SSH1: variants seen among roughly 807,000 people sequenced by gnomAD.
SSH1 encodes slingshot protein phosphatase 1, also known as protein phosphatase Slingshot homolog 1.
SSH1 carries 43 observed loss-of-function variants against 79.7 expected under a neutral mutation model. The ratio of observed to expected loss-of-function variants is 0.54; its 90% confidence interval spans 0.42 to 0.70. The LOEUF is 0.70. SSH1 is among the 30% of genes least tolerant of loss of function. The pLI is 0.00. For synonymous variants in SSH1, 599 were observed against 538.3 expected (o/e 1.11, Z -1.56); for missense variants, 1,206 against 1,358.8 (o/e 0.89, Z 1.77).
chr12:108,851,473 A>C (rs1472206354), intron 2 of SSH1, among the ~76,000 whole-genome samples: 1 of 152,114 alleles, frequency 6.6e-6, no homozygotes, highest in African/African-American at 2.4e-5. Flanking sequence ...TTAAAGAACA[A>C]TATTCCTGAA....
intron 9 of SSH1, 86 bp from the exon 10 acceptor site, chr12:108,805,270 G>C: frequency 6.7e-7 from 1 of 1,499,966 alleles, no homozygotes; most frequent in East Asian, 2.3e-5. Context: ...AATGGAAACT[G>C]TGCCTATTTC....
At chr12:108,847,080 G>A (rs2038914252) in intron 2 of SSH1, among the ~76,000 whole-genome samples, 2 of 151,768 alleles carry the variant, frequency 1.3e-5, no homozygotes, top group Non-Finnish European at 2.9e-5. Flanking sequence ...TATTTTTTTT[G>A]CGGAGATGGG....
At chr12:108,811,950 G>A (rs887699383) in intron 5 of SSH1, among the ~76,000 whole-genome samples, 2 of 152,158 alleles carry the variant, frequency 1.3e-5, no homozygotes, top group Admixed American at 6.5e-5. Context: ...CGCTGTAACC[G>A]TGCCAAGAGC....
chr12:108,852,025 C>T (rs973996563), intron 2 of SSH1, among the ~76,000 whole-genome samples: 1 of 152,006 alleles, frequency 6.6e-6, no homozygotes, highest in African/African-American at 2.4e-5. Flanking sequence ...CTGGGCAACA[C>T]AGCAAGACCT....
chr12:108,811,381 A>T, intron 5 of SSH1, 53 bp from the exon 6 acceptor site: 2 of 1,564,764 alleles, frequency 1.3e-6, no homozygotes, highest in East Asian at 4.5e-5. Context: ...ACCTACGTGT[A>T]CAGCCTTTCC....
intron 2 of SSH1, among the ~76,000 whole-genome samples, chr12:108,837,710 G>A (rs1191318684): frequency 1.3e-5 from 2 of 152,012 alleles, no homozygotes; most frequent in Non-Finnish European, 2.9e-5. Flanking sequence ...AGAGTATCTG[G>A]GGTATCCATG....
At chr12:108,832,113 A>AT (rs879338106) in intron 2 of SSH1, among the ~76,000 whole-genome samples, 1 of 152,152 alleles carries the variant, frequency 6.6e-6, no homozygotes, top group Non-Finnish European at 1.5e-5. Flanking sequence ...CCTGGGCAAC[A>AT]TGGCAAAATC....
At chr12:108,795,270 T>G (rs1036010651) in intron 13 of SSH1, among the ~76,000 whole-genome samples, 12 of 152,148 alleles carry the variant, frequency 7.9e-5, no homozygotes, top group Non-Finnish European at 1.5e-5. Context: ...AACTTTTTTT[T>G]TTTTGGAGGT....
Position 108,787,892 on chromosome 12 carries a change from GA to G in SSH1, c.*95del. 1 of 1,503,606 alleles carries G rather than the reference GA, an allele frequency of 6.7e-7. No homozygotes were observed. The highest frequency in any genetic ancestry group is 1.1e-5 in the South Asian group (1 of 87,766). 93.1% of individuals were successfully genotyped at this position (1,503,606 alleles called of 1,614,324 possible). On this transcript the variant is annotated 3_prime_UTR_variant, in exon 15 of 15. Coordinates refer to ENST00000326495, the MANE Select transcript of SSH1 (RefSeq NM_018984.4). Reference sequence around the variant, plus strand: ...TTAGGATGACTTCACTCGTTTAAGGGAAATCAAGATGTAAGGGGTCGATCCA... The same window carrying G: ...TTAGGATGACTTCACTCGTTTAAGGGAATCAAGATGTAAGGGGTCGATCCA...
In SSH1 at chr12:108,806,258, C is replaced by G. The variant is rs368496374; in HGVS notation, c.825+43G>C. On this transcript the variant is annotated intron_variant, in intron 9 of 14. Transcript: ENST00000326495. ...CTTTCGGGAGCAGGACACATGGAGG[C>G]TGCATGACCTCTGACCTGCAATGAA... 23 of 1,552,534 alleles carry G rather than the reference C, an allele frequency of 1.5e-5. No individual in the cohort carries two copies. The African/African-American group carries it at 3.0e-4, about 20-fold the overall frequency.
At chr12:108,798,895 G>A in intron 13 of SSH1, 105 bp downstream of exon 13, 1 of 1,363,040 alleles carries the variant, frequency 7.3e-7, no homozygotes, top group East Asian at 2.3e-5. Flanking sequence ...AGCGGCTGCT[G>A]GGCCGAATGG....
intron 3 of SSH1, among the ~76,000 whole-genome samples, chr12:108,820,235 T>A (rs2038065304): frequency 2.0e-5 from 3 of 152,244 alleles, no homozygotes; most frequent in East Asian, 3.9e-4. Context: ...ACCATGCCCC[T>A]CTTATCTGTC....
chr12:108,806,804 A>T (rs2037301448), intron 8 of SSH1, among the ~76,000 whole-genome samples: 1 of 152,096 alleles, frequency 6.6e-6, no homozygotes, highest in African/African-American at 2.4e-5. Flanking sequence ...TTTTCCTCAG[A>T]ATCAAAATCT....
intron 2 of SSH1, among the ~76,000 whole-genome samples, chr12:108,833,525 G>A (rs185613838): frequency 3.9e-5 from 6 of 152,146 alleles, no homozygotes; most frequent in African/African-American, 1.4e-4. Context: ...ATTTGTCACC[G>A]AGTCCTAACT....
Position 108,807,607 on chromosome 12 carries a change from G to A in SSH1, c.731+26C>T, listed in dbSNP as rs779260756. On this transcript the variant is annotated intron_variant, in intron 8 of 14. Transcript: ENST00000326495. The surrounding 1 kb of genome is among the most constrained non-coding windows in gnomAD (Gnocchi z 5.2). The stretch of plus-strand genomic sequence containing the variant: ...GGCAGGTGCCTGTGGGCTTGGGTGC[G>A]CTCACACCAGAGGCACCTCACTTAC... 6.2e-5 allele frequency: 99 copies of A among 1,609,072 alleles called. No homozygotes were observed. The highest frequency in any genetic ancestry group is 4.0e-4 in the South Asian group (36 of 90,810).
rs1459290901 is a variant in SSH1, at chr12:108,857,197, C to A, written c.69+231G>T. The stretch of plus-strand genomic sequence containing the variant: ...ACACAGTCCCTGCAAAGTCGCCCCC[C>A]GATAGGGGTCACACCGCACACAAAG... On this transcript the variant is annotated intron_variant, in intron 1 of 14. Coordinates refer to ENST00000326495, the MANE Select transcript of SSH1 (RefSeq NM_018984.4). The surrounding 1 kb of genome is among the most constrained non-coding windows in gnomAD (Gnocchi z 4.7). Among the ~76,000 whole-genome samples, 2 of 152,132 alleles carry A rather than the reference C, an allele frequency of 1.3e-5. No homozygotes were observed. Among genetic ancestry groups the A allele is most frequent in the South Asian group, 2.1e-4 (1 of 4,828 alleles).
chr12:108,852,907 G>A lies in SSH1; in HGVS notation c.70-229C>T, dbSNP rs940024147. The A allele has an allele frequency of 3.0e-6, 3 of 985,360 alleles. No homozygotes were observed. In the African/African-American group the frequency reaches 5.2e-5, roughly 17 times the overall value. The allele number at this position is 985,360 out of a possible 1,614,324, so 61.0% of individuals were successfully genotyped here. A position where few individuals can be genotyped will look rare whatever the true frequency, so the allele number is the denominator to read the frequency against. Reference sequence around the variant, plus strand: ...AATGTTGACCCACATTCCTGCCGCAGTCCAGGGGATGGAGTCCTGTTAGCT... The same window carrying A: ...AATGTTGACCCACATTCCTGCCGCAATCCAGGGGATGGAGTCCTGTTAGCT... On this transcript the variant is annotated intron_variant, in intron 1 of 14. Transcript: ENST00000326495.
intron 12 of SSH1, among the ~76,000 whole-genome samples, chr12:108,800,569 C>T (rs2036947406): frequency 6.6e-6 from 1 of 152,142 alleles, no homozygotes; most frequent in Non-Finnish European, 1.5e-5. Flanking sequence ...GGACCAACCA[C>T]TTTTCTCCTT....
chr12:108,837,227 A>T (rs1441309831), intron 2 of SSH1, among the ~76,000 whole-genome samples: 1 of 152,144 alleles, frequency 6.6e-6, no homozygotes, highest in African/African-American at 2.4e-5. Context: ...GTGAGTTTCC[A>T]ACTCAAAAAA....
Sources: allele counts gnomAD v4.1 joint callset (sites outside exome capture counted in the v4.1 genomes callset), GRCh38; gene constraint gnomAD v4.1.1; non-coding constraint Gnocchi (gnomAD v3.1); transcripts MANE v1.5; gene names NCBI Gene and HGNC (gene_info 2026-07-23, HGNC 2026-07-21).